ATRNL1: variants seen among roughly 807,000 people sequenced by gnomAD.
The protein encoded by ATRNL1 is attractin like 1.
Under a neutral mutation model 182.7 loss-of-function variants are expected in ATRNL1, and 95 were observed. That is an observed-to-expected ratio of 0.52 (90% CI 0.44 to 0.62). The LOEUF is 0.62. ATRNL1 is among the 20% of genes least tolerant of loss of function. ATRNL1 has a pLI of 0.00. For missense variants in ATRNL1, 1,471 were observed against 1,679.5 expected (o/e 0.88, Z 2.17); for synonymous variants, 576 against 568.3 (o/e 1.01, Z -0.19).
intron 27 of ATRNL1, among the ~76,000 whole-genome samples, chr10:115,842,821 G>C (rs557999196): frequency 6.6e-6 from 1 of 152,082 alleles, no homozygotes; most frequent in African/African-American, 2.4e-5. Context: ...CTTACCCTGA[G>C]AATACAGTCT....
intron 21 of ATRNL1, among the ~76,000 whole-genome samples, chr10:115,459,450 C>G (rs1273384619): frequency 6.6e-6 from 1 of 152,084 alleles, no homozygotes; most frequent in Non-Finnish European, 1.5e-5. Context: ...AACTGGCCCT[C>G]CTGGGGCGTA....
At chr10:115,944,380 G>A (rs146539390) in intron 28 of ATRNL1, among the ~76,000 whole-genome samples, 1,971 of 151,724 alleles carry the variant, frequency 0.013, 23 homozygotes, top group Non-Finnish European at 0.022. Flanking sequence ...AGGGTCATAT[G>A]CACAACTAAA....
At chr10:115,915,124 G>A (rs972035892) in intron 28 of ATRNL1, among the ~76,000 whole-genome samples, 5 of 152,144 alleles carry the variant, frequency 3.3e-5, no homozygotes, top group African/African-American at 1.2e-4. Context: ...ATGGCTGGGT[G>A]CGGTGGCTCA....
intron 26 of ATRNL1, among the ~76,000 whole-genome samples, chr10:115,589,995 A>G (rs1434687091): frequency 6.6e-6 from 1 of 152,190 alleles, no homozygotes; most frequent in Non-Finnish European, 1.5e-5. Flanking sequence ...GCTTTAATAT[A>G]GCAGTTTGCT....
At chr10:115,252,746 C>CT (rs1850937325) in intron 10 of ATRNL1, among the ~76,000 whole-genome samples, 1 of 152,152 alleles carries the variant, frequency 6.6e-6, no homozygotes, top group African/African-American at 2.4e-5. Context: ...GACCCTCTGG[C>CT]TTTATCAGCC....
chr10:115,798,317 A>G (rs1555083513), intron 27 of ATRNL1, among the ~76,000 whole-genome samples: 1 of 152,122 alleles, frequency 6.6e-6, no homozygotes, highest in Non-Finnish European at 1.5e-5. Flanking sequence ...AAATTTAGTT[A>G]GCCTAGGTGA....
chr10:115,317,130 A>G (rs1240655596), intron 18 of ATRNL1, among the ~76,000 whole-genome samples: 1 of 152,206 alleles, frequency 6.6e-6, no homozygotes, highest in South Asian at 2.1e-4. Context: ...AGTTTTCTGC[A>G]TATGGCTAGC....
chr10:115,145,317 A>G (rs1044919845), intron 5 of ATRNL1, among the ~76,000 whole-genome samples: 1 of 152,150 alleles, frequency 6.6e-6, no homozygotes, highest in Non-Finnish European at 1.5e-5. Context: ...GATTCCTTGT[A>G]AAACTTTGTT....
At chr10:115,827,453 G>A (rs1950462554) in intron 27 of ATRNL1, among the ~76,000 whole-genome samples, 1 of 152,180 alleles carries the variant, frequency 6.6e-6, no homozygotes, top group Non-Finnish European at 1.5e-5. Context: ...CAGGACGTAA[G>A]GTGTCTCAGA....
chr10:115,487,585 C>T (rs1199874553), intron 24 of ATRNL1, among the ~76,000 whole-genome samples: 1 of 152,120 alleles, frequency 6.6e-6, no homozygotes. Context: ...ATTTTGTATT[C>T]GGACACTTTG....
At chr10:115,322,526 G>A (rs895363472) in intron 18 of ATRNL1, among the ~76,000 whole-genome samples, 1 of 151,506 alleles carries the variant, frequency 6.6e-6, no homozygotes, top group Admixed American at 6.6e-5. Flanking sequence ...AAAAATATCA[G>A]GTAATAGAAA....
chr10:115,596,681 C>T (rs1356624150), intron 26 of ATRNL1, among the ~76,000 whole-genome samples: 1 of 152,040 alleles, frequency 6.6e-6, no homozygotes, highest in Non-Finnish European at 1.5e-5. Context: ...ATTGGAAACC[C>T]GTGACAGTGA....
chr10:115,572,057 G>A lies in ATRNL1; in HGVS notation c.3795+22521G>A, dbSNP rs1383513564. Among the ~76,000 whole-genome samples the A allele has an allele frequency of 5.9e-5, 9 of 152,240 alleles. No individual in the cohort carries two copies. The East Asian group carries it at 1.7e-3, about 29-fold the overall frequency. Reference sequence around the variant, plus strand: ...ACCTAGAGATGGATGTTGGAATGAAGAATTATTGCAAATGGACAGAAGTTT... The same window carrying A: ...ACCTAGAGATGGATGTTGGAATGAAAAATTATTGCAAATGGACAGAAGTTT... On this transcript the variant is annotated intron_variant, in intron 26 of 28. Coordinates refer to ENST00000355044, the MANE Select transcript of ATRNL1 (RefSeq NM_207303.4).
Position 115,566,906 on chromosome 10 carries a change from T to G in ATRNL1, c.3795+17370T>G, listed in dbSNP as rs112019045. On this transcript the variant is annotated intron_variant, in intron 26 of 28. Transcript: ENST00000355044. ...CACCCCAGGAGGCTGCTCAAAACAA[T>G]GAGTATCAACACATTTATAATCACT... Among the ~76,000 whole-genome samples the G allele has an allele frequency of 8.3e-3, 1,267 of 151,834 alleles. 17 individuals are homozygous for G. Among genetic ancestry groups the G allele is most frequent in the African/African-American group, 0.029 (1,206 of 41,166 alleles).
chr10:115,177,924 G>GTTTTTTTTTTTTTTTTTTTTT (rs587742941), intron 8 of ATRNL1, among the ~76,000 whole-genome samples: 2 of 81,766 alleles, frequency 2.4e-5, no homozygotes, highest in Non-Finnish European at 4.5e-5. Flanking sequence ...TTTTTTTTTT[G>GTTTTTTTTTTTTTTTTTTTTT]TTTTTTTTTT....
rs2084939194 is a variant in ATRNL1 at position 115,093,835 on chromosome 10, G to A, written c.85G>A (p.Gly29Ser). Residue 29 changes from glycine to serine, a missense_variant, in exon 1 of 29, where the codon GGC (glycine) becomes AGC (serine). This residue lies in a region of ATRNL1 where 1,031 missense variants were observed against 1,156.0 expected (regional missense o/e 0.89). Coordinates refer to ENST00000355044, the MANE Select transcript of ATRNL1 (RefSeq NM_207303.4). The surrounding 1 kb of genome is among the most constrained non-coding windows in gnomAD (Gnocchi z 6.1). ...VWRARPAGGG[G>S]GGASSWLLDG... Reference sequence around the variant, plus strand: ...GAGGGCTCGGCCGGCGGGCGGCGGCGGCGGGGGCGCCTCCTCCTGGCTGCT... The same window carrying A: ...GAGGGCTCGGCCGGCGGGCGGCGGCAGCGGGGGCGCCTCCTCCTGGCTGCT... 3 of 1,517,456 alleles carry A rather than the reference G, an allele frequency of 2.0e-6. No individual in the cohort carries two copies. In the East Asian group the frequency reaches 8.0e-5, roughly 41 times the overall value. 94.0% of individuals were successfully genotyped at this position (1,517,456 alleles called of 1,614,324 possible).
intron 26 of ATRNL1, among the ~76,000 whole-genome samples, chr10:115,707,094 G>A (rs1026606042): frequency 2.0e-4 from 30 of 151,822 alleles, no homozygotes; most frequent in African/African-American, 6.7e-4. Flanking sequence ...GTACTAATCC[G>A]TGTCGCTTTT....
chr10:115,802,311 T>G (rs1244759104), intron 27 of ATRNL1, among the ~76,000 whole-genome samples: 1 of 152,132 alleles, frequency 6.6e-6, no homozygotes, highest in African/African-American at 2.4e-5. Flanking sequence ...CTTATGAAAG[T>G]AAACTAAAGG....
At chr10:115,659,662 A>G (rs1431628095) in intron 26 of ATRNL1, among the ~76,000 whole-genome samples, 1 of 152,148 alleles carries the variant, frequency 6.6e-6, no homozygotes, top group Admixed American at 6.6e-5. Flanking sequence ...AGAAGTCTAT[A>G]GTGCTATGGA....
Sources: gnomAD v4.1 joint callset for allele counts (sites outside exome capture counted in the v4.1 genomes callset) on GRCh38, gnomAD v4.1.1 for gene constraint, gnomAD v4.1.1 regional missense constraint, Gnocchi (gnomAD v3.1) non-coding constraint, MANE v1.5 for transcripts, NCBI Gene and HGNC (gene_info 2026-07-23, HGNC 2026-07-21) for gene names.